HS6ST3: variants seen among roughly 807,000 people sequenced by gnomAD.
HS6ST3 encodes heparan sulfate 6-O-sulfotransferase 3.
HS6ST3 carries 12 observed loss-of-function variants against 36.7 expected under a neutral mutation model. The ratio of observed to expected loss-of-function variants is 0.33; its 90% confidence interval spans 0.21 to 0.53. The LOEUF (loss-of-function observed/expected upper bound fraction) is 0.53. Among genes scored for constraint, HS6ST3 ranks in the 20% least tolerant of loss-of-function variants. HS6ST3 has a pLI of 0.95. For missense variants in HS6ST3, 584 were observed against 640.9 expected, an observed-to-expected ratio of 0.91 and a Z score of 0.96; for synonymous variants, 240 against 257.5, an observed-to-expected ratio of 0.93 and a Z score of 0.65.
chr13:96,788,010 A>G (rs1306295359), intron 1 of HS6ST3, among the ~76,000 whole-genome samples: 1 of 151,996 alleles, frequency 6.6e-6, no homozygotes, highest in Non-Finnish European at 1.5e-5. Context: ...TGAAGACACT[A>G]TCATTCCTCC....
intron 1 of HS6ST3, among the ~76,000 whole-genome samples, chr13:96,378,496 T>G (rs532998830): frequency 6.6e-6 from 1 of 152,336 alleles, no homozygotes; most frequent in East Asian, 1.9e-4. Flanking sequence ...GACTTCACCT[T>G]GCTTGGCTTT....
intron 1 of HS6ST3, among the ~76,000 whole-genome samples, chr13:96,140,608 T>C (rs1247966228): frequency 6.6e-6 from 1 of 152,208 alleles, no homozygotes; most frequent in African/African-American, 2.4e-5. Context: ...TCTGCAGATA[T>C]GGTTTCCTGC....
intron 1 of HS6ST3, among the ~76,000 whole-genome samples, chr13:96,241,456 A>T (rs989854609): frequency 1.3e-5 from 2 of 152,010 alleles, no homozygotes; most frequent in African/African-American, 4.8e-5. Context: ...TAATAGTTCT[A>T]TCTAAATTTT....
At chr13:96,274,726 A>G (rs1332994632) in intron 1 of HS6ST3, among the ~76,000 whole-genome samples, 2 of 152,084 alleles carry the variant, frequency 1.3e-5, no homozygotes, top group Non-Finnish European at 2.9e-5. Flanking sequence ...ATAGAATTAT[A>G]TTCTAATCAA....
At chr13:96,678,857 T>C (rs1041401632) in intron 1 of HS6ST3, among the ~76,000 whole-genome samples, 1 of 152,078 alleles carries the variant, frequency 6.6e-6, no homozygotes, top group Non-Finnish European at 1.5e-5. Context: ...TTTATTTTTC[T>C]TATCACTCCA....
chr13:96,382,060 A>G (rs2055344149), intron 1 of HS6ST3, among the ~76,000 whole-genome samples: 1 of 152,072 alleles, frequency 6.6e-6, no homozygotes, highest in African/African-American at 2.4e-5. Context: ...GCTTGTTTGA[A>G]TAATTTTGTG....
chr13:96,577,100 G>C (rs2056324957), intron 1 of HS6ST3, among the ~76,000 whole-genome samples: 2 of 151,964 alleles, frequency 1.3e-5, no homozygotes, highest in African/African-American at 4.8e-5. Flanking sequence ...ACATGCCATG[G>C]TGGTTTGCTG....
At chr13:96,330,512 C>T (rs1182977312) in intron 1 of HS6ST3, among the ~76,000 whole-genome samples, 2 of 151,726 alleles carry the variant, frequency 1.3e-5, no homozygotes, top group East Asian at 3.9e-4. Flanking sequence ...ATATTGGCCC[C>T]CACTCTCTTC....
intron 1 of HS6ST3, among the ~76,000 whole-genome samples, chr13:96,628,573 A>G (rs1158534017): frequency 6.6e-6 from 1 of 152,106 alleles, no homozygotes; most frequent in Non-Finnish European, 1.5e-5. Flanking sequence ...GAGAGATTGC[A>G]TTAAAAGTTC....
intron 1 of HS6ST3, among the ~76,000 whole-genome samples, chr13:96,411,088 A>G (rs1175361431): frequency 6.6e-6 from 1 of 152,234 alleles, no homozygotes; most frequent in Non-Finnish European, 1.5e-5. Context: ...AAGACCACCT[A>G]GGGTTCAAAA....
intron 1 of HS6ST3, among the ~76,000 whole-genome samples, chr13:96,560,942 A>G (rs556602202): frequency 1.8e-4 from 28 of 152,198 alleles, no homozygotes; most frequent in Non-Finnish European, 3.7e-4. Flanking sequence ...AACCAATAAT[A>G]TCATCAAAAT....
intron 1 of HS6ST3, among the ~76,000 whole-genome samples, chr13:96,223,950 C>G (rs1477006342): frequency 1.3e-5 from 2 of 151,872 alleles, no homozygotes; most frequent in Non-Finnish European, 2.9e-5. Flanking sequence ...CCCTTCCCTC[C>G]CCTCCCGTCT....
At chr13:96,107,620 G>C (rs2053847579) in intron 1 of HS6ST3, among the ~76,000 whole-genome samples, 2 of 152,170 alleles carry the variant, frequency 1.3e-5, no homozygotes, top group Non-Finnish European at 2.9e-5. Flanking sequence ...AGTATTGCAG[G>C]ACTGTGGGAA....
At chr13:96,615,717 G>A (rs1206698018) in intron 1 of HS6ST3, among the ~76,000 whole-genome samples, 1 of 152,214 alleles carries the variant, frequency 6.6e-6, no homozygotes, top group Admixed American at 6.5e-5. Flanking sequence ...GATGAAGCAT[G>A]AAGGTTTTTA....
chr13:96,744,564 C>T (rs1469284728), intron 1 of HS6ST3, among the ~76,000 whole-genome samples: 2 of 152,138 alleles, frequency 1.3e-5, no homozygotes, highest in South Asian at 2.1e-4. Context: ...TGGTAAGAAC[C>T]GTATGAATAA....
At chr13:96,714,345 G>C (rs560527364) in intron 1 of HS6ST3, among the ~76,000 whole-genome samples, 1 of 152,204 alleles carries the variant, frequency 6.6e-6, no homozygotes, top group African/African-American at 2.4e-5. Context: ...AGGGTAAAGA[G>C]TAGGATAAGC....
At chr13:96,630,336 A>C (rs1474223257) in intron 1 of HS6ST3, among the ~76,000 whole-genome samples, 1 of 152,170 alleles carries the variant, frequency 6.6e-6, no homozygotes, top group Non-Finnish European at 1.5e-5. Flanking sequence ...GTTCCTCCAG[A>C]GAGGATTTCC....
chr13:96,471,207 C>T (rs549126042), intron 1 of HS6ST3, among the ~76,000 whole-genome samples: 3 of 152,322 alleles, frequency 2.0e-5, no homozygotes, highest in Admixed American at 6.5e-5. Flanking sequence ...GAAGAGACAG[C>T]TGTAGGAACC....
intron 1 of HS6ST3, among the ~76,000 whole-genome samples, chr13:96,144,659 A>G (rs192544643): frequency 6.6e-6 from 1 of 151,794 alleles, no homozygotes; most frequent in East Asian, 1.9e-4. Flanking sequence ...TTATTATTAT[A>G]CTTTAAGTTT....
Sources: allele counts gnomAD v4.1 joint callset (sites outside exome capture counted in the v4.1 genomes callset), GRCh38; gene constraint gnomAD v4.1.1; transcripts MANE v1.5; gene names NCBI Gene and HGNC (gene_info 2026-07-23, HGNC 2026-07-21).